ZSCAN18: variants seen among roughly 807,000 people sequenced by gnomAD.
The protein encoded by ZSCAN18 is zinc finger and SCAN domain containing 18.
ZSCAN18 carries 16 observed loss-of-function variants against 31.1 expected under a neutral mutation model. The observed-to-expected ratio is 0.51, with a 90% CI of 0.35 to 0.78. The LOEUF is 0.78. Among genes scored for constraint, ZSCAN18 ranks in the 30% least tolerant of loss-of-function variants. The pLI is 0.01. For missense variants in ZSCAN18, 731 were observed against 697.4 expected (o/e 1.05, Z -0.54); for synonymous variants, 375 against 320.7 (o/e 1.17, Z -1.81).
In ZSCAN18 at chr19:58,090,614, G is replaced by A. The variant is rs889158; in HGVS notation, c.-119-228C>T. ...CCAGAATTTTTTTTTCTTTGAGACC[G>A]AGTCACCCTCTGTCACCCAAGCTGG... On this transcript the variant is annotated intron_variant, in intron 1 of 6. Transcript: ENST00000601144. This position sits in a 1 kb window ranked among gnomAD's most constrained non-coding sequence, Gnocchi z 4.7. 117,879 of 413,828 alleles carry A rather than the reference G, an allele frequency of 0.28. 18,530 individuals carry two copies. Among genetic ancestry groups the A allele is most frequent in the East Asian group, 0.35 (9,194 of 26,516 alleles). 25.6% of individuals were successfully genotyped at this position (413,828 alleles called of 1,614,324 possible). A position where few individuals can be genotyped will look rare whatever the true frequency, so the allele number is the denominator to read the frequency against.
intron 1 of ZSCAN18, among the ~76,000 whole-genome samples, chr19:58,106,814 G>A (rs2074638315): frequency 6.6e-6 from 1 of 151,404 alleles, no homozygotes; most frequent in African/African-American, 2.4e-5. Flanking sequence ...AGGCTGCAGT[G>A]CAGTGGCTCG....
intron 1 of ZSCAN18, among the ~76,000 whole-genome samples, chr19:58,092,121 G>A (rs955187887): frequency 1.3e-5 from 2 of 152,180 alleles, no homozygotes; most frequent in Non-Finnish European, 2.9e-5. Flanking sequence ...TTGGGGGAAT[G>A]AGGAGGGACT....
In ZSCAN18 at chr19:58,084,817, T is replaced by A. The variant is rs758154343; in HGVS notation, c.1401A>T (p.Lys467Asn). 3.4e-5 allele frequency: 54 copies of A among 1,591,794 alleles called. No homozygotes were observed. The highest frequency in any genetic ancestry group is 4.6e-5 in the Non-Finnish European group (54 of 1,172,860). ...CCCGGGCGCCCCCCAGCGCGTAGCT[T>A]TTCTCCTTCTCGTGGGTCTTCTGGT... is the stretch of plus-strand genomic sequence containing the variant. The part of the protein sequence containing the change: ...AEHQKTHEKE[K>N]SYALGGARGP... Residue 467 changes from lysine to asparagine, a missense_variant, in exon 7 of 7, where the codon AAA becomes AAT. Coordinates refer to ENST00000601144, the MANE Select transcript of ZSCAN18 (RefSeq NM_001145543.2). The surrounding 1 kb of genome is among the most constrained non-coding windows in gnomAD (Gnocchi z 4.5).
chr19:58,099,275 A>G (rs930082660), upstream of ZSCAN18, among the ~76,000 whole-genome samples: 1 of 152,116 alleles, frequency 6.6e-6, no homozygotes, highest in African/African-American at 2.4e-5. Context: ...CTCCCCACCC[A>G]TAACCCCAGG....
At chr19:58,117,018 G>C (rs748118328) in intron 1 of ZSCAN18, among the ~76,000 whole-genome samples, 3 of 152,206 alleles carry the variant, frequency 2.0e-5, no homozygotes, top group Admixed American at 1.3e-4. Flanking sequence ...CTCCCGAGCA[G>C]CTGGGATTAA....
rs2074750845 is a variant in ZSCAN18 at position 58,118,310 on chromosome 19, G to GA, written c.86dup (p.Leu30ProfsTer13). The GA allele has an allele frequency of 6.6e-7, 1 of 1,525,040 alleles. No homozygotes were observed. The highest frequency in any genetic ancestry group is 1.4e-5 in the African/African-American group (1 of 70,600). 94.5% of individuals were successfully genotyped at this position (1,525,040 alleles called of 1,614,324 possible). On this transcript the variant is annotated frameshift_variant, in exon 1 of 2. Coordinates refer to the ZSCAN18 transcript ENST00000595721. LOFTEE classifies it low-confidence loss of function (END_TRUNC). ...CCGCGACCGGTGGGCGGGAACGGAGGAAACAGACCCGAGAGGCCGCGAGAG... is the reference window on the plus strand; with the variant it reads ...CCGCGACCGGTGGGCGGGAACGGAGGAAAACAGACCCGAGAGGCCGCGAGAG...
chr19:58,108,828 T>C, intron 1 of ZSCAN18: 1 of 926,904 alleles, frequency 1.1e-6, no homozygotes, highest in South Asian at 5.2e-5. Flanking sequence ...GTTACCACCT[T>C]CGTTACATTT....
intron 1 of ZSCAN18, among the ~76,000 whole-genome samples, chr19:58,117,843 G>A (rs987100114): frequency 2.6e-5 from 4 of 151,936 alleles, no homozygotes; most frequent in Admixed American, 6.6e-5. Context: ...GGGGGCCTGC[G>A]CCCACTAGGA....
intron 1 of ZSCAN18, among the ~76,000 whole-genome samples, chr19:58,097,641 C>T (rs1306095262): frequency 1.3e-5 from 2 of 151,658 alleles, no homozygotes; most frequent in Admixed American, 6.6e-5. Flanking sequence ...AGCGTCCCCC[C>T]ACCACGGACA....
chr19:58,087,285 G>T (rs1280951625), intron 4 of ZSCAN18, 31 bp downstream of exon 4: 1 of 1,573,812 alleles, frequency 6.4e-7, no homozygotes, highest in Admixed American at 1.8e-5. Flanking sequence ...TGAGGCCAAG[G>T]CCCCTCACCC....
In ZSCAN18 at chr19:58,087,404, G is replaced by A. The variant is rs745915077; in HGVS notation, c.554C>T (p.Pro185Leu). Residue 185 changes from proline (P) to leucine (L), a missense_variant and splice_region_variant, in exon 4 of 7, where the codon CCC becomes CTC. Coordinates refer to ENST00000601144, the MANE Select transcript of ZSCAN18 (RefSeq NM_001145543.2). Reference sequence around the variant, plus strand: ...AAACAGGGGGTCCGGAGAAAGCCAGGCTGGGGAGAAGGAGAGGCAGAGCTG... The same window carrying A: ...AAACAGGGGGTCCGGAGAAAGCCAGACTGGGGAGAAGGAGAGGCAGAGCTG... ...AGEIPAPSET[P>L]WLSPDPLFLE... The A allele has an allele frequency of 1.3e-6, 2 of 1,597,802 alleles. No individual in the cohort carries two copies. The highest frequency in any genetic ancestry group is 1.7e-5 in the Admixed American group (1 of 57,798).
chr19:58,085,288 A>AG lies in ZSCAN18; in HGVS notation c.929dup (p.Gly311TrpfsTer13). 1 of 1,600,366 alleles carries AG rather than the reference A, an allele frequency of 6.2e-7. No individual in the cohort carries two copies. ...ACGGGGGATCGGCAAGGGCGTCCCC[A>AG]GGGGGCGCCTCCGTAGGCAGCTCAG... On this transcript the variant is annotated frameshift_variant, in exon 7 of 7. Transcript: ENST00000601144. LOFTEE classifies it low-confidence loss of function (END_TRUNC).
intron 2 of ZSCAN18, among the ~76,000 whole-genome samples, chr19:58,089,295 T>A (rs2074356258): frequency 1.3e-5 from 1 of 76,384 alleles, no homozygotes. Flanking sequence ...AGAGCGAGAC[T>A]CCGTCTCAAA....
At chr19:58,106,474 G>A (rs2074635041) in intron 1 of ZSCAN18, among the ~76,000 whole-genome samples, 1 of 55,756 alleles carries the variant, frequency 1.8e-5, no homozygotes, top group Non-Finnish European at 5.5e-5. Flanking sequence ...AGGCCGAGGC[G>A]GGCGGATCAC....
upstream of ZSCAN18, chr19:58,098,328 C>T: frequency 1.0e-6 from 1 of 985,476 alleles, no homozygotes; most frequent in South Asian, 4.7e-5. Flanking sequence ...GCAAGGGAGC[C>T]GTGACAGGTG....
intron 6 of ZSCAN18, 71 bp downstream of exon 6, chr19:58,086,103 A>G: frequency 7.6e-7 from 1 of 1,310,444 alleles, no homozygotes; most frequent in Non-Finnish European, 1.1e-6. Context: ...TGGCGCTGGG[A>G]GGGGCCCCCT....
In ZSCAN18 at chr19:58,098,175, T is replaced by C. The variant is rs1318829780; in HGVS notation, c.-121A>G. ...GCTGCATCCCCGGGACCGACCCACC[T>C]GCTGCGCAGCTACCCCAGGCCGGTC... On this transcript the variant is annotated splice_region_variant and 5_prime_UTR_variant, in exon 1 of 7. Transcript: ENST00000601144. 1.0e-6 allele frequency: 1 copy of C among 985,422 alleles called. No individual in the cohort carries two copies. Among genetic ancestry groups the C allele is most frequent in the Non-Finnish European group, 1.2e-6 (1 of 830,020 alleles). 61.0% of individuals were successfully genotyped at this position (985,422 alleles called of 1,614,324 possible).
chr19:58,109,379 T>C (rs1252819990), intron 1 of ZSCAN18: 4 of 1,228,996 alleles, frequency 3.3e-6, no homozygotes, highest in South Asian at 8.3e-5. Context: ...TGTGTAAACA[T>C]TAAAATCAGC....
At chr19:58,111,613 C>T (rs750302437) in intron 1 of ZSCAN18, among the ~76,000 whole-genome samples, 9 of 152,106 alleles carry the variant, frequency 5.9e-5, no homozygotes, top group Admixed American at 1.3e-4. Context: ...AATCCTCCCA[C>T]CTTGACCTCC....
Sources: gnomAD v4.1 joint callset for allele counts (sites outside exome capture counted in the v4.1 genomes callset) on GRCh38, gnomAD v4.1.1 for gene constraint, Gnocchi (gnomAD v3.1) non-coding constraint, MANE v1.5 for transcripts, NCBI Gene and HGNC (gene_info 2026-07-23, HGNC 2026-07-21) for gene names.